The following FRMPD4 variants were observed in gnomAD, a reference collection of about 807,000 sequenced individuals.
FRMPD4 encodes the protein FERM and PDZ domain-containing protein 4.
Under a neutral mutation model 94.1 loss-of-function variants are expected in FRMPD4, and 22 were observed. The ratio of observed to expected loss-of-function variants is 0.23; its 90% CI spans 0.17 to 0.33. The LOEUF is 0.33. FRMPD4 is among the 10% of genes least tolerant of loss of function. FRMPD4 has a pLI of 1.00. For synonymous variants in FRMPD4, 631 were observed against 548.6 expected (o/e 1.15, Z -2.10); for missense variants, 1,111 against 1,339.9 (o/e 0.83, Z 2.67).
rs72300557 is a variant in FRMPD4 at position 12,451,733 on chromosome X, CGTGT to C, written c.42-46919_42-46916del. On this transcript the variant is annotated intron_variant, in intron 1 of 16. Transcript: ENST00000675598. ...ACCCTCAGTGATATGTGTGTATGCC[CGTGT>C]GTGTGTGTGTGTGTGTGTGTGTGTG... 1.7e-3 allele frequency among the ~76,000 whole-genome samples: 168 copies of C among 98,801 alleles called. 1 individual carries two copies. The highest frequency in any genetic ancestry group is 6.8e-3 in the South Asian group (13 of 1,909). 85.8% of individuals were successfully genotyped at this position (98,801 alleles called of 115,157 possible). A position where few individuals can be genotyped will look rare whatever the true frequency, so the allele number is the denominator to read the frequency against.
intron 1 of FRMPD4, among the ~76,000 whole-genome samples, chrX:12,158,618 C>A (rs1352437638): frequency 8.9e-6 from 1 of 112,088 alleles, no homozygotes; most frequent in African/African-American, 3.2e-5. Flanking sequence ...TCAATGGAAT[C>A]ATATAGATGT....
intron 2 of FRMPD4, among the ~76,000 whole-genome samples, chrX:12,575,858 A>C (rs2058806842): frequency 8.9e-6 from 1 of 112,013 alleles, no homozygotes; most frequent in African/African-American, 3.2e-5. Context: ...GGAAAACACA[A>C]GGAAACAGAC....
chrX:12,677,448 G>A (rs1229673234), intron 5 of FRMPD4, among the ~76,000 whole-genome samples: 1 of 102,457 alleles, frequency 9.8e-6, no homozygotes, highest in Non-Finnish European at 2.0e-5. Flanking sequence ...TTTTGGGTTT[G>A]GATTTTACTA....
At chrX:12,059,850 A>G (rs1181489262) in intron 3 of FRMPD4, among the ~76,000 whole-genome samples, 2 of 110,323 alleles carry the variant, frequency 1.8e-5, no homozygotes, top group African/African-American at 6.6e-5. Context: ...TTAAAAATCC[A>G]ATCCACCATT....
chrX:12,639,928 C>T (rs953038420), intron 4 of FRMPD4, among the ~76,000 whole-genome samples: 1 of 111,395 alleles, frequency 9.0e-6, no homozygotes, highest in Non-Finnish European at 1.9e-5. Flanking sequence ...AAAACCATAA[C>T]GCAATATTTT....
intron 1 of FRMPD4, among the ~76,000 whole-genome samples, chrX:12,373,979 C>T (rs777326298): frequency 3.6e-5 from 4 of 112,025 alleles, no homozygotes; most frequent in African/African-American, 6.5e-5. Context: ...CCTTATCATA[C>T]TAAGATTACA....
intron 1 of FRMPD4, among the ~76,000 whole-genome samples, chrX:11,857,928 A>G (rs766536292): frequency 8.9e-6 from 1 of 112,752 alleles, no homozygotes; most frequent in African/African-American, 3.2e-5. Context: ...GAAGACATAC[A>G]TGTAGCCAAC....
intron 3 of FRMPD4, among the ~76,000 whole-genome samples, chrX:12,039,985 GAAAAAAA>G (rs1019757074): frequency 0.08 from 7,678 of 95,635 alleles, 307 homozygotes; most frequent in Non-Finnish European, 0.12. Flanking sequence ...AAAAAAAAAA[GAAAAAAA>G]AAGAAAAAAG....
intron 1 of FRMPD4, among the ~76,000 whole-genome samples, chrX:11,836,945 A>G (rs973661990): frequency 2.7e-5 from 3 of 112,213 alleles, no homozygotes; most frequent in African/African-American, 9.7e-5. Flanking sequence ...AAAAAAGTGC[A>G]AAGTGAAAAG....
chrX:12,169,642 T>A (rs772694556), intron 1 of FRMPD4, among the ~76,000 whole-genome samples: 1 of 112,356 alleles, frequency 8.9e-6, no homozygotes, highest in East Asian at 2.8e-4. Flanking sequence ...CTATTAGGTC[T>A]AAACTATTAA....
intron 1 of FRMPD4, among the ~76,000 whole-genome samples, chrX:12,476,815 A>G (rs2057605679): frequency 9.0e-6 from 1 of 111,689 alleles, no homozygotes; most frequent in Admixed American, 9.5e-5. Flanking sequence ...TCAGGAAACA[A>G]CAGGTGCTGG....
At chrX:12,075,690 G>A (rs2055007563) in intron 3 of FRMPD4, among the ~76,000 whole-genome samples, 1 of 111,483 alleles carries the variant, frequency 9.0e-6, no homozygotes, top group Non-Finnish European at 1.9e-5. Flanking sequence ...TGATAATCAC[G>A]GAGCAGCAAG....
intron 4 of FRMPD4, among the ~76,000 whole-genome samples, chrX:12,670,320 C>T (rs2059826826): frequency 8.9e-6 from 1 of 112,166 alleles, no homozygotes; most frequent in African/African-American, 3.2e-5. Context: ...ACCAGTTCAT[C>T]ATGCTAACTG....
intron 4 of FRMPD4, among the ~76,000 whole-genome samples, chrX:12,628,778 C>T (rs1216889778): frequency 8.9e-6 from 1 of 112,638 alleles, no homozygotes; most frequent in Non-Finnish European, 1.9e-5. Context: ...CTGGGGAGGA[C>T]TAAGCTTTAC....
chrX:12,520,293 G>T (rs190764899), intron 2 of FRMPD4, among the ~76,000 whole-genome samples: 92 of 111,989 alleles, frequency 8.2e-4, no homozygotes, highest in African/African-American at 3.0e-3. Context: ...AAATACTGTA[G>T]ATTCCACTCA....
At chrX:11,835,540 A>G (rs1268092370) in intron 1 of FRMPD4, among the ~76,000 whole-genome samples, 2 of 112,157 alleles carry the variant, frequency 1.8e-5, no homozygotes, top group East Asian at 5.6e-4. Context: ...GGGATGAGCA[A>G]CATTGAGCAG....
intron 1 of FRMPD4, among the ~76,000 whole-genome samples, chrX:12,439,011 G>A (rs1244301199): frequency 1.8e-5 from 2 of 111,186 alleles, no homozygotes; most frequent in African/African-American, 3.3e-5. Flanking sequence ...GGATATGTTT[G>A]TATAGTGAAC....
At chrX:12,494,113 T>A (rs1389060318) in intron 1 of FRMPD4, among the ~76,000 whole-genome samples, 4 of 111,886 alleles carry the variant, frequency 3.6e-5, no homozygotes, top group African/African-American at 1.3e-4. Context: ...TCAACTAAGG[T>A]TTATTGAGAA....
intron 1 of FRMPD4, among the ~76,000 whole-genome samples, chrX:12,259,507 A>G (rs1440896539): frequency 9.0e-6 from 1 of 111,684 alleles, no homozygotes; most frequent in African/African-American, 3.2e-5. Context: ...TTCAAAGAGC[A>G]TGGTCCTGCT....
Sources: gnomAD v4.1 joint callset for allele counts (sites outside exome capture counted in the v4.1 genomes callset) on GRCh38, gnomAD v4.1.1 for gene constraint, MANE v1.5 for transcripts, NCBI Gene and HGNC (gene_info 2026-07-23, HGNC 2026-07-21) for gene names.